The following YAP1 variants were observed in gnomAD, a reference collection of about 807,000 sequenced individuals.
YAP1 encodes Yes1 associated transcriptional regulator, also known as transcriptional coactivator YAP1.
YAP1 carries 5 observed loss-of-function variants against 56.9 expected under a neutral mutation model. The ratio of observed to expected loss-of-function variants is 0.09; its 90% CI spans 0.05 to 0.18. The LOEUF is 0.18. Ranked by LOEUF, YAP1 falls within the 10% of genes least tolerant of loss-of-function variation. The pLI, the probability that YAP1 is intolerant of heterozygous loss-of-function variation, is 1.00. For missense variants in YAP1, 539 were observed against 651.8 expected (o/e 0.83, Z 1.88); for synonymous variants, 265 against 248.1 (o/e 1.07, Z -0.64).
intron 1 of YAP1, 35 bp from the exon 2 acceptor site, chr11:102,114,108 TC>T (rs755216447): frequency 2.6e-6 from 4 of 1,557,032 alleles, no homozygotes; most frequent in South Asian, 1.2e-5. Context: ...TTGTGTTTTT[TC>T]TTTTTTAATT....
intron 3 of YAP1, among the ~76,000 whole-genome samples, chr11:102,178,413 CGTG>C (rs1947392952): frequency 1.3e-5 from 2 of 152,098 alleles, no homozygotes; most frequent in South Asian, 2.1e-4. Flanking sequence ...TCCTCTAACT[CGTG>C]GTGTAGTTAA....
rs547494025 is a variant in YAP1, at chr11:102,120,114, A to T, written c.572+5720A>T. Among the ~76,000 whole-genome samples the T allele has an allele frequency of 2.0e-5, 3 of 152,354 alleles. No homozygotes were observed. The East Asian group carries it at 5.8e-4, about 29-fold the overall frequency. ...ATCAGAACTACAAGCCATGAAAGGG[A>T]CATTGCCGTTTCTATGAAGAAGAAT... On this transcript the variant is annotated intron_variant, in intron 2 of 8. Coordinates refer to ENST00000282441, the MANE Select transcript of YAP1 (RefSeq NM_001130145.3).
chr11:102,115,984 T>G (rs559424448), intron 2 of YAP1, among the ~76,000 whole-genome samples: 1 of 152,326 alleles, frequency 6.6e-6, no homozygotes, highest in South Asian at 2.1e-4. Flanking sequence ...AGAGCAACAT[T>G]TATGCTCTTC....
At chr11:102,117,089 T>C (rs1257403725) in intron 2 of YAP1, among the ~76,000 whole-genome samples, 1 of 152,216 alleles carries the variant, frequency 6.6e-6, no homozygotes, top group African/African-American at 2.4e-5. Flanking sequence ...ACAACTTCTT[T>C]TTGTGTACTG....
chr11:102,143,596 A>G (rs946328992), intron 2 of YAP1, among the ~76,000 whole-genome samples: 8 of 152,160 alleles, frequency 5.3e-5, no homozygotes, highest in Admixed American at 3.9e-4. Flanking sequence ...GTGTGATACT[A>G]CTACTACATA....
At chr11:102,111,646 G>T (rs1487682582) in intron 1 of YAP1, among the ~76,000 whole-genome samples, 1 of 152,194 alleles carries the variant, frequency 6.6e-6, no homozygotes, top group Non-Finnish European at 1.5e-5. Context: ...GTGTGGGTGT[G>T]TTGCCAGCGG....
rs1427839147 is a variant in YAP1, at chr11:102,233,377, T to C, written c.*3437T>C. 3 of 152,226 alleles carry C rather than the reference T, an allele frequency of 2.0e-5. No individual in the cohort carries two copies. The highest frequency in any genetic ancestry group is 6.5e-5 in the Admixed American group (1 of 15,288). 9.4% of individuals were successfully genotyped at this position (152,226 alleles called of 1,614,324 possible). A position where few individuals can be genotyped will look rare whatever the true frequency, so the allele number is the denominator to read the frequency against. On this transcript the variant is annotated 3_prime_UTR_variant, in exon 9 of 9. Coordinates refer to ENST00000282441, the MANE Select transcript of YAP1 (RefSeq NM_001130145.3). ...ACATTATTTTTTCTTATGTAATACC[T>C]TTTTGTTTGTTTATGTGGTTCAAAT...
At chr11:102,225,600 T>A (rs573308640) in intron 7 of YAP1, among the ~76,000 whole-genome samples, 1 of 152,356 alleles carries the variant, frequency 6.6e-6, no homozygotes, top group East Asian at 1.9e-4. Context: ...GCCTTGGCAT[T>A]GACTCTTAGT....
intron 6 of YAP1, among the ~76,000 whole-genome samples, chr11:102,221,947 TA>T (rs1332061627): frequency 6.6e-6 from 1 of 152,046 alleles, no homozygotes; most frequent in Non-Finnish European, 1.5e-5. Flanking sequence ...AGTTAATGTG[TA>T]ATTTTTTTTT....
chr11:102,193,864 A>T (rs559937600), intron 4 of YAP1, among the ~76,000 whole-genome samples: 251 of 143,934 alleles, frequency 1.7e-3, no homozygotes, highest in Non-Finnish European at 2.5e-3. Flanking sequence ...TTTGAGACGG[A>T]GTCTCGCTCT....
At chr11:102,146,124 G>A (rs1447414855) in intron 2 of YAP1, among the ~76,000 whole-genome samples, 2 of 152,164 alleles carry the variant, frequency 1.3e-5, no homozygotes, top group African/African-American at 4.8e-5. Flanking sequence ...ATGACCTACA[G>A]ATTAAGGTCC....
chr11:102,188,264 T>G (rs866952765), intron 4 of YAP1, among the ~76,000 whole-genome samples: 2 of 152,370 alleles, frequency 1.3e-5, no homozygotes, highest in South Asian at 2.1e-4. Context: ...TGCTTTTCGA[T>G]ATTCTTCAAA....
intron 7 of YAP1, among the ~76,000 whole-genome samples, 179 bp downstream of exon 7, chr11:102,223,931 T>G (rs1950072249): frequency 6.6e-6 from 1 of 152,204 alleles, no homozygotes. Context: ...TTGTCTCCTG[T>G]GAGAGGAAGT....
In YAP1 at chr11:102,110,882, GC is replaced by G. The variant is rs1555075248; in HGVS notation, c.40del (p.Gln14ArgfsTer60). 1.2e-5 allele frequency: 17 copies of G among 1,420,720 alleles called. No individual in the cohort carries two copies. Among genetic ancestry groups the G allele is most frequent in the South Asian group, 1.2e-4 (8 of 69,388 alleles). The allele number at this position is 1,420,720 out of a possible 1,614,324, so 88.0% of individuals were successfully genotyped here. On this transcript the variant is annotated frameshift_variant, in exon 1 of 9. Transcript: ENST00000282441. LOFTEE classifies it high-confidence loss of function. ...DPGQQPPPQP[A>X]PQGQGQPPSQ... ...CGGGCAGCAGCCGCCGCCTCAACCG[GC>G]CCCCCAGGGCCAAGGGCAGCCGCCT...
At chr11:102,117,565 A>G (rs932759755) in intron 2 of YAP1, among the ~76,000 whole-genome samples, 5 of 152,204 alleles carry the variant, frequency 3.3e-5, no homozygotes, top group Admixed American at 2.0e-4. Flanking sequence ...TTGGCCTATC[A>G]TCTAGTTTCC....
chr11:102,144,855 A>C (rs1190018606), intron 2 of YAP1, among the ~76,000 whole-genome samples: 1 of 100,936 alleles, frequency 9.9e-6, no homozygotes, highest in African/African-American at 2.8e-5. Context: ...CTTTGGCCAA[A>C]ACACACACAC....
At chr11:102,142,448 G>A (rs1049599835) in intron 2 of YAP1, among the ~76,000 whole-genome samples, 8 of 152,216 alleles carry the variant, frequency 5.3e-5, no homozygotes, top group Non-Finnish European at 1.0e-4. Flanking sequence ...ACTTGCAGCT[G>A]TTTCTGATTT....
At chr11:102,123,167 G>C (rs11225138) in intron 2 of YAP1, among the ~76,000 whole-genome samples, 9,685 of 152,020 alleles carry the variant, frequency 0.064, 431 homozygotes, top group East Asian at 0.22. Context: ...AATTCATGTT[G>C]TGCCTACAGC....
chr11:102,215,918 C>T (rs1312444147), intron 6 of YAP1, among the ~76,000 whole-genome samples: 2 of 152,168 alleles, frequency 1.3e-5, no homozygotes, highest in Non-Finnish European at 2.9e-5. Context: ...ACAGGCCAGC[C>T]TTTTTCTCCC....
Sources: gnomAD v4.1 joint callset for allele counts (sites outside exome capture counted in the v4.1 genomes callset) on GRCh38, gnomAD v4.1.1 for gene constraint, MANE v1.5 for transcripts, NCBI Gene and HGNC (gene_info 2026-07-23, HGNC 2026-07-21) for gene names.